RANGAP1: variants seen among roughly 807,000 people sequenced by gnomAD.
RANGAP1 encodes the protein ran GTPase-activating protein 1.
Under a neutral mutation model 63.5 loss-of-function variants are expected in RANGAP1, and 38 were observed. The ratio of observed to expected loss-of-function variants is 0.60; its 90% CI spans 0.46 to 0.78. The LOEUF (loss-of-function observed/expected upper bound fraction) is 0.78, where lower values mean the gene tolerates loss of function less well. RANGAP1 is among the 30% of genes least tolerant of loss of function. The pLI, the probability that RANGAP1 is intolerant of heterozygous loss-of-function variation, is 0.00. For synonymous variants in RANGAP1, 329 were observed against 310.5 expected, an observed-to-expected ratio of 1.06 and a Z score of -0.63; for missense variants, 630 against 740.3, an observed-to-expected ratio of 0.85 and a Z score of 1.73.
intron 2 of RANGAP1, among the ~76,000 whole-genome samples, chr22:41,280,210 G>A (rs939511296): frequency 2.6e-5 from 4 of 152,172 alleles, no homozygotes; most frequent in African/African-American, 4.8e-5. Context: ...AGCAGCCTCC[G>A]ACCTGGAGAG....
intron 1 of RANGAP1, chr22:41,282,533 A>T (rs1215774875): frequency 2.6e-5 from 4 of 152,240 alleles, no homozygotes; most frequent in African/African-American, 9.6e-5. Flanking sequence ...TGTGTTAGCC[A>T]GGATGGTCTC....
intron 8 of RANGAP1, 81 bp from the exon 9 acceptor site, chr22:41,256,371 A>T: frequency 7.2e-7 from 1 of 1,398,254 alleles, no homozygotes; most frequent in Non-Finnish European, 1.0e-6. Context: ...CAGTTTCCCC[A>T]AGTGAGGATA....
Position 41,254,142 on chromosome 22 carries a change from T to C in RANGAP1, c.1260+166A>G, listed in dbSNP as rs2033658693. Among the ~76,000 whole-genome samples the C allele has an allele frequency of 2.0e-5, 3 of 152,046 alleles. No individual in the cohort carries two copies. In the South Asian group the frequency reaches 6.2e-4, roughly 32 times the overall value. On this transcript the variant is annotated intron_variant, in intron 11 of 15. Transcript: ENST00000356244. ...AAAAAAGAAATATAGGTAACTATCA[T>C]TACACTGGGACCATTTTCCTTTTTT...
chr22:41,252,944 G>A lies in RANGAP1; in HGVS notation c.1308C>T (p.Thr436=), dbSNP rs773325807. ...LSSPPPADVS[T]FLAFPSPEKL... Reference sequence around the variant, plus strand: ...TCTCTGGAGAGGGAAAAGCCAGGAAGGTGGAGACGTCTGCAGGAGGTGGGG... The same window carrying A: ...TCTCTGGAGAGGGAAAAGCCAGGAAAGTGGAGACGTCTGCAGGAGGTGGGG... The change falls in exon 12 of 16, where the codon ACC becomes ACT. Residue 436 remains threonine (T), a synonymous_variant. Transcript: ENST00000356244. The A allele has an allele frequency of 5.8e-6, 9 of 1,549,748 alleles. No homozygotes were observed. The East Asian group carries it at 2.3e-4, about 39-fold the overall frequency.
At chr22:41,292,283 G>T in the RANGAP1 span, among the ~76,000 whole-genome samples, 1 of 151,974 alleles carries the variant, frequency 6.6e-6, no homozygotes, top group Admixed American at 6.6e-5. Flanking sequence ...GAGTAGCTGG[G>T]ATTACAGGCG....
chr22:41,295,306 G>T, the RANGAP1 span, among the ~76,000 whole-genome samples: 1 of 151,792 alleles, frequency 6.6e-6, no homozygotes, highest in Non-Finnish European at 1.5e-5. Context: ...TGCCGTGTCT[G>T]TGTAGAAAGA....
At chr22:41,253,700 A>T (rs975180270) in intron 11 of RANGAP1, among the ~76,000 whole-genome samples, 3 of 152,184 alleles carry the variant, frequency 2.0e-5, no homozygotes, top group Non-Finnish European at 4.4e-5. Flanking sequence ...CAGAATTTCT[A>T]TTTATGCTTA....
Position 41,278,867 on chromosome 22 carries a change from G to A in RANGAP1, c.112+2066C>T, listed in dbSNP as rs188860946. Among the ~76,000 whole-genome samples, 43 of 152,210 alleles carry A rather than the reference G, an allele frequency of 2.8e-4. No individual in the cohort carries two copies. The East Asian group carries it at 6.6e-3, about 23-fold the overall frequency. ...AATACAAAAATAAGGGGCCGGGCAC[G>A]GTGGCTCACGCCTGTAATCCCAACA... is the stretch of plus-strand genomic sequence containing the variant. On this transcript the variant is annotated intron_variant, in intron 2 of 15. Coordinates refer to ENST00000356244, the MANE Select transcript of RANGAP1 (RefSeq NM_002883.4).
chr22:41,248,961 C>T (rs866759176), intron 15 of RANGAP1, among the ~76,000 whole-genome samples: 1 of 152,248 alleles, frequency 6.6e-6, no homozygotes, highest in African/African-American at 2.4e-5. Flanking sequence ...ATGTCACCAA[C>T]CGCAGCACCT....
chr22:41,270,829 G>A (rs1310579697), intron 3 of RANGAP1, among the ~76,000 whole-genome samples: 2 of 152,218 alleles, frequency 1.3e-5, no homozygotes, highest in Non-Finnish European at 2.9e-5. Flanking sequence ...ACCTGCACGT[G>A]GGTCCACAGG....
Position 41,251,062 on chromosome 22 carries a change from C to T in RANGAP1, c.1428G>A (p.Val476=). 1.2e-6 allele frequency: 2 copies of T among 1,614,152 alleles called. No individual in the cohort carries two copies. Among genetic ancestry groups the T allele is most frequent in the Non-Finnish European group, 1.7e-6 (2 of 1,180,028 alleles). Residue 476 remains valine (V), a synonymous_variant, in exon 13 of 16, where the codon GTG becomes GTA. Coordinates refer to ENST00000356244, the MANE Select transcript of RANGAP1 (RefSeq NM_002883.4). Reference sequence around the variant, plus strand: ...TAGCTTCGTCCTTGAACACAGATGACACCTTTAGGAAGGCAGAGACCACCT... The same window carrying T: ...TAGCTTCGTCCTTGAACACAGATGATACCTTTAGGAAGGCAGAGACCACCT... ...PEKVVSAFLK[V]SSVFKDEATV...
At chr22:41,269,086 C>T (rs112493423) in intron 3 of RANGAP1, among the ~76,000 whole-genome samples, 25 of 152,180 alleles carry the variant, frequency 1.6e-4, no homozygotes, top group African/African-American at 5.5e-4. Context: ...CTGTTTTCTT[C>T]GTTTTTTTTA....
upstream of RANGAP1, among the ~76,000 whole-genome samples, chr22:41,289,595 C>T (rs1395919625): frequency 6.6e-5 from 10 of 152,024 alleles, no homozygotes; most frequent in African/African-American, 9.7e-5. Flanking sequence ...TGCACTCCAG[C>T]CTAGGCAACA....
chr22:41,275,318 CTCTG>C (rs1452975271), intron 2 of RANGAP1, among the ~76,000 whole-genome samples: 2 of 152,062 alleles, frequency 1.3e-5, no homozygotes, highest in South Asian at 2.1e-4. Flanking sequence ...CATGGTGAAA[CTCTG>C]TCTTACTAAA....
intron 12 of RANGAP1, among the ~76,000 whole-genome samples, chr22:41,252,586 G>C (rs114290126): frequency 2.5e-3 from 381 of 152,320 alleles, no homozygotes; most frequent in African/African-American, 8.7e-3. Context: ...AAGCCAAGGA[G>C]GGGGTGGGCA....
the RANGAP1 span, among the ~76,000 whole-genome samples, chr22:41,294,733 G>A: frequency 1.4e-5 from 2 of 138,358 alleles, no homozygotes; most frequent in African/African-American, 2.7e-5. Flanking sequence ...GAGCGTCTCT[G>A]CCCGGCCGCC....
At chr22:41,280,633 A>C in intron 2 of RANGAP1, 4 of 1,292,768 alleles carry the variant, frequency 3.1e-6, no homozygotes, top group Non-Finnish European at 3.1e-6. Flanking sequence ...AGTCAGAGTC[A>C]GAGGCTGTAT....
intron 11 of RANGAP1, among the ~76,000 whole-genome samples, chr22:41,253,418 A>G (rs1409903217): frequency 1.3e-5 from 2 of 152,252 alleles, no homozygotes; most frequent in African/African-American, 2.4e-5. Flanking sequence ...CCATTTGTTT[A>G]ATTGATTCCA....
At chr22:41,264,572 C>A in intron 5 of RANGAP1, 92 bp downstream of exon 5, 1 of 1,424,338 alleles carries the variant, frequency 7.0e-7, no homozygotes, top group Non-Finnish European at 9.4e-7. Context: ...GGCTGACCAT[C>A]CCAGATGGTG....
Sources: allele counts gnomAD v4.1 joint callset (sites outside exome capture counted in the v4.1 genomes callset), GRCh38; gene constraint gnomAD v4.1.1; transcripts MANE v1.5; gene names NCBI Gene and HGNC (gene_info 2026-07-23, HGNC 2026-07-21).